Variants in KLF12 observed in about 807,000 individuals in gnomAD.
The protein encoded by KLF12 is KLF transcription factor 12, also known as Krueppel-like factor 12.
A neutral mutation model predicts 37.8 loss-of-function variants in KLF12; 9 were observed. The ratio of observed to expected loss-of-function variants is 0.24; its 90% CI spans 0.14 to 0.42. The LOEUF is 0.42. KLF12 is among the 10% of genes least tolerant of loss of function. KLF12 has a pLI of 1.00. For missense variants in KLF12, 411 were observed against 516.0 expected, an observed-to-expected ratio of 0.80 and a Z score of 1.97; for synonymous variants, 208 against 202.1, an observed-to-expected ratio of 1.03 and a Z score of -0.25.
At chr13:73,948,393 A>AT (rs1339081318) in intron 2 of KLF12, among the ~76,000 whole-genome samples, 1 of 152,034 alleles carries the variant, frequency 6.6e-6, no homozygotes. Flanking sequence ...AATTTTTTCT[A>AT]TTTTTTGTAG....
chr13:73,709,184 T>A (rs1394474475), intron 7 of KLF12, among the ~76,000 whole-genome samples: 1 of 152,214 alleles, frequency 6.6e-6, no homozygotes, highest in Non-Finnish European at 1.5e-5. Context: ...ATCTAGAAAA[T>A]GTACCTCTTT....
chr13:73,758,273 T>C (rs1337223265), intron 6 of KLF12, among the ~76,000 whole-genome samples: 4 of 152,112 alleles, frequency 2.6e-5, no homozygotes, highest in Admixed American at 2.6e-4. Context: ...CATCATACAA[T>C]TTAAACCCCT....
At chr13:74,057,466 A>G (rs1035539507) in intron 1 of KLF12, among the ~76,000 whole-genome samples, 2 of 152,214 alleles carry the variant, frequency 1.3e-5, no homozygotes, top group African/African-American at 4.8e-5. Flanking sequence ...AAAGCAATCG[A>G]AACGATGGCT....
At chr13:73,728,289 A>ATGTT (rs1432992210) in intron 6 of KLF12, among the ~76,000 whole-genome samples, 1 of 152,196 alleles carries the variant, frequency 6.6e-6, no homozygotes, top group Non-Finnish European at 1.5e-5. Context: ...AATGCAATGA[A>ATGTT]TGTTTGTTTA....
chr13:73,980,958 G>A (rs376931089), intron 2 of KLF12, among the ~76,000 whole-genome samples: 181 of 152,194 alleles, frequency 1.2e-3, no homozygotes, highest in African/African-American at 4.0e-3. Context: ...CCAGAAGTTC[G>A]AAACCAGCCT....
intron 3 of KLF12, among the ~76,000 whole-genome samples, chr13:73,861,639 CCTA>C (rs1885930802): frequency 6.6e-6 from 1 of 152,104 alleles, no homozygotes; most frequent in Admixed American, 6.5e-5. Context: ...TCATCTTTTT[CCTA>C]CTTTTTCCCC....
intron 3 of KLF12, among the ~76,000 whole-genome samples, chr13:73,919,450 G>A (rs886758485): frequency 1.3e-5 from 2 of 152,054 alleles, no homozygotes; most frequent in African/African-American, 4.8e-5. Context: ...TCTTGATACA[G>A]GAAAGAACAC....
rs528437430 is a variant in KLF12, at chr13:73,794,411, G to C, written c.806+18741C>G. On this transcript the variant is annotated intron_variant, in intron 5 of 7. Coordinates refer to ENST00000377669, the MANE Select transcript of KLF12 (RefSeq NM_007249.5). ...AGGAGGCAGAGGTTGCAGTGAGCAA[G>C]ATTGCGCCACTGCACTCCAGCCTGG... Among the ~76,000 whole-genome samples the C allele has an allele frequency of 5.3e-5, 8 of 152,336 alleles. No individual in the cohort carries two copies. The South Asian group carries it at 1.7e-3, about 32-fold the overall frequency.
chr13:74,035,180 A>G (rs1235003987), intron 1 of KLF12, among the ~76,000 whole-genome samples: 1 of 152,236 alleles, frequency 6.6e-6, no homozygotes, highest in African/African-American at 2.4e-5. Context: ...GTAAAACAGT[A>G]GCATGTAGTA....
At chr13:74,029,999 A>G (rs970825120) in intron 1 of KLF12, among the ~76,000 whole-genome samples, 1 of 152,134 alleles carries the variant, frequency 6.6e-6, no homozygotes, top group Admixed American at 6.6e-5. Flanking sequence ...TCTTATAAGT[A>G]TATGTGAATT....
chr13:73,823,524 C>T (rs1423335751), intron 4 of KLF12, among the ~76,000 whole-genome samples: 6 of 152,132 alleles, frequency 3.9e-5, no homozygotes, highest in Non-Finnish European at 7.4e-5. Flanking sequence ...ATATTTAAAC[C>T]TGCAAGGTTA....
the KLF12 span, chr13:74,258,105 T>G: frequency 6.6e-6 from 1 of 152,116 alleles, no homozygotes; most frequent in Non-Finnish European, 1.5e-5. Flanking sequence ...TCTGCTCTTT[T>G]GTTAACACTA....
intron 7 of KLF12, among the ~76,000 whole-genome samples, chr13:73,697,012 C>CT (rs1184352277): frequency 6.6e-6 from 1 of 152,092 alleles, no homozygotes. Flanking sequence ...TGGGACTATT[C>CT]TGCCTCTACT....
intron 5 of KLF12, among the ~76,000 whole-genome samples, chr13:73,789,685 T>C (rs1313968520): frequency 2.0e-5 from 3 of 151,664 alleles, no homozygotes; most frequent in Non-Finnish European, 2.9e-5. Context: ...TTTTTTTTTT[T>C]TTTTTCTTTG....
intron 6 of KLF12, among the ~76,000 whole-genome samples, chr13:73,737,884 A>G (rs769497963): frequency 1.3e-5 from 2 of 151,890 alleles, no homozygotes; most frequent in Admixed American, 6.6e-5. Context: ...AGATTGGCCA[A>G]TTGCACTTTG....
intron 2 of KLF12, among the ~76,000 whole-genome samples, chr13:73,960,823 T>C (rs1891000189): frequency 6.6e-6 from 1 of 152,216 alleles, no homozygotes; most frequent in African/African-American, 2.4e-5. Flanking sequence ...GAGAATGATA[T>C]GTTTTTTATG....
At chr13:73,817,196 T>C (rs118119708) in intron 4 of KLF12, among the ~76,000 whole-genome samples, 29,707 of 151,384 alleles carry the variant, frequency 0.2, 3,267 homozygotes, top group East Asian at 0.48. Flanking sequence ...CATATGCCTG[T>C]AGTCCCAGCT....
At chr13:73,855,843 G>A (rs1383861590) in intron 3 of KLF12, among the ~76,000 whole-genome samples, 1 of 152,160 alleles carries the variant, frequency 6.6e-6, no homozygotes, top group Admixed American at 6.5e-5. Context: ...ATTTGATTGA[G>A]CAGTGAATTT....
At chr13:74,168,152 A>T in the KLF12 span, among the ~76,000 whole-genome samples, 1 of 152,226 alleles carries the variant, frequency 6.6e-6, no homozygotes. Context: ...TATTTACCTG[A>T]TCACCCATCA....
Sources: allele counts gnomAD v4.1 joint callset (sites outside exome capture counted in the v4.1 genomes callset), GRCh38; gene constraint gnomAD v4.1.1; transcripts MANE v1.5; gene names NCBI Gene and HGNC (gene_info 2026-07-23, HGNC 2026-07-21).